DYM: variants seen among roughly 807,000 people sequenced by gnomAD.
DYM encodes dyggve-Melchior-Clausen syndrome protein.
In DYM, 78 loss-of-function variants were observed where a neutral mutation model predicts 93.1. That is an observed-to-expected ratio of 0.84 (90% CI 0.70 to 1.01). The LOEUF is 1.01. Ranked by LOEUF, DYM falls within the 50% of genes least tolerant of loss-of-function variation. DYM has a pLI of 0.00. For synonymous variants in DYM, 321 were observed against 319.7 expected, an observed-to-expected ratio of 1.00 and a Z score of -0.04; for missense variants, 789 against 845.0, an observed-to-expected ratio of 0.93 and a Z score of 0.82.
chr18:49,161,243 T>C (rs2087082788), intron 15 of DYM, among the ~76,000 whole-genome samples: 2 of 152,208 alleles, frequency 1.3e-5, no homozygotes, highest in Non-Finnish European at 2.9e-5. Context: ...TAAACTTCAG[T>C]AGCAGAATTC....
intron 15 of DYM, among the ~76,000 whole-genome samples, chr18:49,150,713 C>T (rs1476105124): frequency 2.0e-5 from 3 of 152,178 alleles, no homozygotes; most frequent in Non-Finnish European, 2.9e-5. Flanking sequence ...GACTGATTAG[C>T]TAGCACTGCC....
rs966554088 is a variant in DYM at position 49,039,178 on chromosome 18, T to C, written c.*4877A>G. Among the ~76,000 whole-genome samples the C allele has an allele frequency of 6.6e-6, 1 of 152,200 alleles. No homozygotes were observed. Among genetic ancestry groups the C allele is most frequent in the Non-Finnish European group, 1.5e-5 (1 of 68,016 alleles). On this transcript the variant is annotated 3_prime_UTR_variant, in exon 18 of 18. Coordinates refer to ENST00000675505, the MANE Select transcript of DYM (RefSeq NM_001353214.3). Reference sequence around the variant, plus strand: ...CATTTTTGCAGGATATTTTCCCTGATTAGAAATTTTTAGGTTGGCAGTCAT... The same window carrying C: ...CATTTTTGCAGGATATTTTCCCTGACTAGAAATTTTTAGGTTGGCAGTCAT...
intron 3 of DYM, among the ~76,000 whole-genome samples, chr18:49,388,109 G>A (rs1025893381): frequency 9.2e-5 from 14 of 152,090 alleles, no homozygotes; most frequent in Non-Finnish European, 1.2e-4. Context: ...GGGGGCCAAG[G>A]TGGGAGGATC....
intron 16 of DYM, among the ~76,000 whole-genome samples, chr18:49,108,908 G>T (rs1418379891): frequency 6.6e-6 from 1 of 152,074 alleles, no homozygotes; most frequent in Non-Finnish European, 1.5e-5. Flanking sequence ...ACACATTTAT[G>T]GTTGTTACGT....
chr18:49,378,790 C>A, intron 4 of DYM, 90 bp from the exon 5 acceptor site: 1 of 1,362,162 alleles, frequency 7.3e-7, no homozygotes, highest in Non-Finnish European at 1.0e-6. Context: ...GATTTGACAA[C>A]CGTTTTGTCC....
chr18:49,091,470 G>C (rs1460634691), intron 17 of DYM, among the ~76,000 whole-genome samples: 1 of 152,182 alleles, frequency 6.6e-6, no homozygotes, highest in Non-Finnish European at 1.5e-5. Context: ...CAGATATCTG[G>C]AGCAGGGAGA....
At chr18:49,138,397 C>T (rs1186176678) in intron 15 of DYM, among the ~76,000 whole-genome samples, 1 of 152,136 alleles carries the variant, frequency 6.6e-6, no homozygotes, top group African/African-American at 2.4e-5. Context: ...TGCAAATTGC[C>T]TTTTACAAAA....
rs566759421 is a variant in DYM at position 49,254,878 on chromosome 18, A to G, written c.1460+2132T>C. Among the ~76,000 whole-genome samples the G allele has an allele frequency of 1.8e-3, 275 of 152,334 alleles. 1 individual carries two copies. Among genetic ancestry groups the G allele is most frequent in the Non-Finnish European group, 3.5e-3 (237 of 68,026 alleles). On this transcript the variant is annotated intron_variant, in intron 13 of 17. Coordinates refer to ENST00000675505, the MANE Select transcript of DYM (RefSeq NM_001353214.3). ...TAACTCTGTTATGGTGAAATAAAGC[A>G]TGGTGACAAAGGTTAACTCCTGGAA... is the stretch of plus-strand genomic sequence containing the variant.
At chr18:49,416,212 T>C (rs2072968274) in intron 2 of DYM, among the ~76,000 whole-genome samples, 2 of 152,214 alleles carry the variant, frequency 1.3e-5, no homozygotes, top group African/African-American at 2.4e-5. Flanking sequence ...ACATGCATGA[T>C]AGTGTTTCAT....
chr18:49,056,704 ATTT>A (rs71165363), intron 17 of DYM, among the ~76,000 whole-genome samples: 29 of 143,296 alleles, frequency 2.0e-4, no homozygotes, highest in East Asian at 8.1e-4. Context: ...CAACTGGGTA[ATTT>A]TTTTTTTTTT....
chr18:49,054,832 G>A (rs2075334165), intron 17 of DYM, among the ~76,000 whole-genome samples: 3 of 152,200 alleles, frequency 2.0e-5, no homozygotes. Context: ...GACACTAACA[G>A]TTTTTGTAAG....
Position 49,209,547 on chromosome 18 carries a change from T to C in DYM, c.1625+4A>G, listed in dbSNP as rs1326209580. 1 of 1,289,066 alleles carries C rather than the reference T, an allele frequency of 7.8e-7. No homozygotes were observed. Among genetic ancestry groups the C allele is most frequent in the South Asian group, 1.2e-5 (1 of 80,902 alleles). The allele number at this position is 1,289,066 out of a possible 1,614,324, so 79.9% of individuals were successfully genotyped here. On this transcript the variant is annotated splice_donor_region_variant and intron_variant, in intron 14 of 17. Coordinates refer to ENST00000675505, the MANE Select transcript of DYM (RefSeq NM_001353214.3). ...GCAGTAAATGGACAGCAGAGGTTAA[T>C]AACCTGGAAGCATAGGATCTGAGAA...
chr18:49,162,795 G>A (rs1487415100), intron 15 of DYM, among the ~76,000 whole-genome samples: 1 of 152,190 alleles, frequency 6.6e-6, no homozygotes, highest in Non-Finnish European at 1.5e-5. Flanking sequence ...AGGACTTTAA[G>A]ACTTTAAGAC....
intron 3 of DYM, among the ~76,000 whole-genome samples, chr18:49,383,418 C>CA (rs2068247343): frequency 6.6e-6 from 1 of 151,988 alleles, no homozygotes; most frequent in Admixed American, 6.6e-5. Flanking sequence ...CCTCATACCC[C>CA]AAAGCCAAGA....
Position 49,037,658 on chromosome 18 carries a change from CATG to C in DYM, c.*6394_*6396del, listed in dbSNP as rs1220546303. ...TCTCTGTTTTGATATGTAGTATTTT[CATG>C]ATCAGTTCAAAATATTTCAAATTTC... On this transcript the variant is annotated 3_prime_UTR_variant, in exon 18 of 18. Coordinates refer to ENST00000675505, the MANE Select transcript of DYM (RefSeq NM_001353214.3). Among the ~76,000 whole-genome samples, 1 of 152,164 alleles carries C rather than the reference CATG, an allele frequency of 6.6e-6. No homozygotes were observed. Among genetic ancestry groups the C allele is most frequent in the Non-Finnish European group, 1.5e-5 (1 of 68,014 alleles).
intron 14 of DYM, among the ~76,000 whole-genome samples, chr18:49,187,425 A>ACACT (rs2090554055): frequency 6.6e-6 from 1 of 152,216 alleles, no homozygotes; most frequent in East Asian, 1.9e-4. Flanking sequence ...TTTGGGCCAA[A>ACACT]CACTATACAT....
chr18:49,305,926 T>G (rs1017583916), intron 8 of DYM, among the ~76,000 whole-genome samples: 1 of 152,370 alleles, frequency 6.6e-6, no homozygotes, highest in Admixed American at 6.5e-5. Flanking sequence ...CAGTCCATTC[T>G]AAGTCCTCAC....
intron 8 of DYM, among the ~76,000 whole-genome samples, chr18:49,306,315 C>G (rs968688552): frequency 6.6e-6 from 1 of 152,170 alleles, no homozygotes; most frequent in East Asian, 1.9e-4. Context: ...GGTCAGAAAA[C>G]TAGCAGGCTT....
intron 14 of DYM, among the ~76,000 whole-genome samples, chr18:49,206,237 A>G (rs1281825173): frequency 1.3e-5 from 2 of 151,960 alleles, no homozygotes; most frequent in African/African-American, 4.8e-5. Flanking sequence ...TGACCTTATG[A>G]TCTGCCCATC....
Sources: gnomAD v4.1 joint callset for allele counts (sites outside exome capture counted in the v4.1 genomes callset) on GRCh38, gnomAD v4.1.1 for gene constraint, MANE v1.5 for transcripts, NCBI Gene and HGNC (gene_info 2026-07-23, HGNC 2026-07-21) for gene names.